The following GPR161 variants were observed in gnomAD, a reference collection of about 807,000 sequenced individuals.
GPR161 encodes G protein-coupled receptor 161.
In GPR161, 25 loss-of-function variants were observed where a neutral mutation model predicts 39.2. That is an observed-to-expected ratio of 0.64 (90% CI 0.47 to 0.89). The LOEUF (loss-of-function observed/expected upper bound fraction) is 0.89, where lower values mean the gene tolerates loss of function less well. Ranked by LOEUF, GPR161 falls within the 40% of genes least tolerant of loss-of-function variation. GPR161 has a pLI of 0.00. For missense variants in GPR161, 547 were observed against 677.8 expected (o/e 0.81, Z 2.14); for synonymous variants, 286 against 276.6 (o/e 1.03, Z -0.34).
chr1:168,115,145 G>A (rs913478925), intron 1 of GPR161, among the ~76,000 whole-genome samples: 2 of 152,076 alleles, frequency 1.3e-5, no homozygotes, highest in East Asian at 1.9e-4. Flanking sequence ...GCAAAGGGGT[G>A]GATAGGTGGG....
At chr1:168,102,896 C>A (rs1572295318) in intron 2 of GPR161, among the ~76,000 whole-genome samples, 1 of 150,512 alleles carries the variant, frequency 6.6e-6, no homozygotes. Flanking sequence ...TGCCAACAAA[C>A]TTCCAAACTT....
At position 168,083,622 on chromosome 1, in the gene GPR161, G is replaced by A. The variant is rs1694227432; in HGVS notation, c.*1909C>T. ...GTGAACCACACGCAGACGTAGGAAT[G>A]CCATCCAGTGATGGAAGCAGAGTGT... is the stretch of plus-strand genomic sequence containing the variant. On this transcript the variant is annotated 3_prime_UTR_variant, in exon 6 of 6. Transcript: ENST00000682931. 1 of 152,250 alleles carries A rather than the reference G, an allele frequency of 6.6e-6. No homozygotes were observed. The highest frequency in any genetic ancestry group is 2.4e-5 in the African/African-American group (1 of 41,454). 9.4% of individuals were successfully genotyped at this position (152,250 alleles called of 1,614,324 possible).
At chr1:168,128,560 A>T (rs902220391) in intron 1 of GPR161, among the ~76,000 whole-genome samples, 1 of 152,370 alleles carries the variant, frequency 6.6e-6, no homozygotes, top group Admixed American at 6.5e-5. Flanking sequence ...CTTAATAAAC[A>T]GATCAAGAAA....
chr1:168,109,903 T>C (rs1248288976), intron 1 of GPR161, among the ~76,000 whole-genome samples: 1 of 151,680 alleles, frequency 6.6e-6, no homozygotes, highest in Non-Finnish European at 1.5e-5. Flanking sequence ...GAGGCAGAGG[T>C]TGCAATGAGC....
At chr1:168,099,706 C>T (rs551664626) in intron 2 of GPR161, among the ~76,000 whole-genome samples, 1 of 152,234 alleles carries the variant, frequency 6.6e-6, no homozygotes, top group East Asian at 1.9e-4. Flanking sequence ...CATCAGGAAG[C>T]TGGGGCAGTG....
At chr1:168,133,295 T>A (rs1699138412) in intron 1 of GPR161, among the ~76,000 whole-genome samples, 1 of 152,184 alleles carries the variant, frequency 6.6e-6, no homozygotes, top group Non-Finnish European at 1.5e-5. Context: ...CAGACCTCAA[T>A]AAACAAAGAT....
chr1:168,127,393 G>A (rs1438443289), intron 1 of GPR161, among the ~76,000 whole-genome samples: 2 of 151,972 alleles, frequency 1.3e-5, no homozygotes, highest in South Asian at 2.1e-4. Context: ...GCTGAGGCAG[G>A]AGAATACTTG....
intron 1 of GPR161, among the ~76,000 whole-genome samples, chr1:168,132,414 C>T (rs1415379096): frequency 4.0e-5 from 6 of 151,524 alleles, no homozygotes; most frequent in African/African-American, 7.3e-5. Flanking sequence ...GGTGAAACCC[C>T]GTCTCTACTA....
At chr1:168,087,815 T>C in intron 4 of GPR161, 111 bp from the exon 5 acceptor site, 1 of 1,119,310 alleles carries the variant, frequency 8.9e-7, no homozygotes, top group Non-Finnish European at 1.3e-6. Flanking sequence ...TCCAAACCCA[T>C]CATCAAGTGG....
At position 168,085,428 on chromosome 1, in the gene GPR161, G is replaced by T; in HGVS notation, c.*103C>A. Reference sequence around the variant, plus strand: ...GCTGCTCCTTCCCTGTGTGTGGCCAGCTGTACACAGTGACATGCTCCCAAG... The same window carrying T: ...GCTGCTCCTTCCCTGTGTGTGGCCATCTGTACACAGTGACATGCTCCCAAG... On this transcript the variant is annotated 3_prime_UTR_variant, in exon 6 of 6. Transcript: ENST00000682931. 3 of 1,084,514 alleles carry T rather than the reference G, an allele frequency of 2.8e-6. No homozygotes were observed. The highest frequency in any genetic ancestry group is 4.1e-6 in the Non-Finnish European group (3 of 736,552). 67.2% of individuals were successfully genotyped at this position (1,084,514 alleles called of 1,614,324 possible).
intron 3 of GPR161, 56 bp downstream of exon 3, chr1:168,096,452 G>A (rs1695545913): frequency 6.4e-7 from 1 of 1,559,764 alleles, no homozygotes; most frequent in Non-Finnish European, 8.7e-7. Context: ...GAGTGGCTGA[G>A]AGGACCACAG....
At chr1:168,087,526 T>C in intron 5 of GPR161, 59 bp downstream of exon 5, 1 of 1,599,614 alleles carries the variant, frequency 6.3e-7, no homozygotes, top group Non-Finnish European at 8.6e-7. Flanking sequence ...CAAGGAATTG[T>C]CCTAAGATCC....
chr1:168,092,815 C>T (rs3820399), intron 3 of GPR161, among the ~76,000 whole-genome samples: 33,867 of 152,120 alleles, frequency 0.22, 4,270 homozygotes, highest in Admixed American at 0.38. Context: ...GAACCTGGAG[C>T]GAGGTGTTTT....
chr1:168,102,631 T>A (rs919541975), intron 2 of GPR161, among the ~76,000 whole-genome samples: 3 of 152,160 alleles, frequency 2.0e-5, no homozygotes, highest in Admixed American at 6.5e-5. Context: ...TTCTCACTCA[T>A]CTAGACCCCA....
intron 3 of GPR161, among the ~76,000 whole-genome samples, chr1:168,093,806 GAAAGCCATGGAC>G (rs1695277165): frequency 6.6e-6 from 1 of 152,232 alleles, no homozygotes; most frequent in African/African-American, 2.4e-5. Context: ...CCTGCAGTCA[GAAAGCCATGGAC>G]AGCGCAGGGT....
At chr1:168,094,707 C>G (rs1695363679) in intron 3 of GPR161, among the ~76,000 whole-genome samples, 1 of 152,180 alleles carries the variant, frequency 6.6e-6, no homozygotes, top group Non-Finnish European at 1.5e-5. Context: ...AGTCATCTGG[C>G]AAGAGATTAG....
chr1:168,105,907 C>T (rs1026997917), intron 1 of GPR161, among the ~76,000 whole-genome samples: 3 of 152,220 alleles, frequency 2.0e-5, no homozygotes, highest in Non-Finnish European at 2.9e-5. Flanking sequence ...TTTCCACGAT[C>T]AAGACAAAAA....
chr1:168,124,160 G>A (rs1463995181), intron 1 of GPR161, among the ~76,000 whole-genome samples: 2 of 151,978 alleles, frequency 1.3e-5, no homozygotes, highest in Non-Finnish European at 2.9e-5. Context: ...CAACCCCCAG[G>A]GCAAACACTG....
chr1:168,136,256 C>T lies in GPR161; in HGVS notation c.-45+483G>A, dbSNP rs1270752173. 3.6e-6 allele frequency: 5 copies of T among 1,399,312 alleles called. No individual in the cohort carries two copies. The South Asian group carries it at 7.7e-5, about 22-fold the overall frequency. The allele number at this position is 1,399,312 out of a possible 1,614,324, so 86.7% of individuals were successfully genotyped here. A position where few individuals can be genotyped will look rare whatever the true frequency, so the allele number is the denominator to read the frequency against. On this transcript the variant is annotated intron_variant, in intron 1 of 5. Coordinates refer to ENST00000682931, the MANE Select transcript of GPR161 (RefSeq NM_001375883.1). Reference sequence around the variant, plus strand: ...GTCCCGGCTGGGAGAAGGCTGCTCACCTGGTCCTCACGGATTCCAGCCGAG... The same window carrying T: ...GTCCCGGCTGGGAGAAGGCTGCTCATCTGGTCCTCACGGATTCCAGCCGAG...
Sources: gnomAD v4.1 joint callset for allele counts (sites outside exome capture counted in the v4.1 genomes callset) on GRCh38, gnomAD v4.1.1 for gene constraint, MANE v1.5 for transcripts, NCBI Gene and HGNC (gene_info 2026-07-23, HGNC 2026-07-21) for gene names.